The following ZFAND3 variants were observed in gnomAD, a reference collection of about 807,000 sequenced individuals.
ZFAND3 encodes zinc finger AN1-type containing 3.
Under a neutral mutation model 29.6 loss-of-function variants are expected in ZFAND3, and 10 were observed. The observed-to-expected ratio is 0.34, with a 90% CI of 0.21 to 0.57. The LOEUF is 0.57. ZFAND3 is among the 20% of genes least tolerant of loss of function. ZFAND3 has a pLI of 0.86. For synonymous variants in ZFAND3, 128 were observed against 112.6 expected (o/e 1.14, Z -0.87); for missense variants, 230 against 304.5 (o/e 0.76, Z 1.82).
At position 38,028,883 on chromosome 6, in the gene ZFAND3, A is replaced by G. The variant is rs148970499; in HGVS notation, c.113-32710A>G. Among the ~76,000 whole-genome samples the G allele has an allele frequency of 3.9e-5, 6 of 152,306 alleles. No individual in the cohort carries two copies. The East Asian group carries it at 9.6e-4, about 24-fold the overall frequency. On this transcript the variant is annotated intron_variant, in intron 2 of 5. Transcript: ENST00000287218. Reference sequence around the variant, plus strand: ...TTTGTGAAGCAAGGCATGGTGCAGAATAGTCCATTCCAAATCAAGCTCTAT... The same window carrying G: ...TTTGTGAAGCAAGGCATGGTGCAGAGTAGTCCATTCCAAATCAAGCTCTAT...
intron 2 of ZFAND3, among the ~76,000 whole-genome samples, chr6:38,049,901 C>T (rs1423065858): frequency 7.7e-6 from 1 of 129,176 alleles, no homozygotes; most frequent in Non-Finnish European, 1.7e-5. Flanking sequence ...CCCTCCCCCT[C>T]ACACCCACCC....
chr6:37,964,099 TCTC>T (rs1175423188), intron 2 of ZFAND3, among the ~76,000 whole-genome samples: 1 of 152,180 alleles, frequency 6.6e-6, no homozygotes. Context: ...TGTCCTCCCT[TCTC>T]CTAACTCCTG....
chr6:37,891,250 C>T (rs1765092893), intron 1 of ZFAND3, among the ~76,000 whole-genome samples: 1 of 152,112 alleles, frequency 6.6e-6, no homozygotes. Flanking sequence ...ATCAGTGCTG[C>T]TCTCCCTTTG....
chr6:38,073,921 T>A (rs1764504375), intron 3 of ZFAND3, among the ~76,000 whole-genome samples: 1 of 152,238 alleles, frequency 6.6e-6, no homozygotes, highest in Admixed American at 6.5e-5. Context: ...TATTCCACTA[T>A]CCCTTACCTT....
At chr6:38,035,266 TTA>T (rs995421517) in intron 2 of ZFAND3, among the ~76,000 whole-genome samples, 3 of 152,302 alleles carry the variant, frequency 2.0e-5, no homozygotes, top group South Asian at 2.1e-4. Context: ...GAATCTTCTA[TTA>T]TGTTTCTTTA....
intron 2 of ZFAND3, among the ~76,000 whole-genome samples, chr6:38,043,886 T>C (rs112839131): frequency 0.028 from 4,243 of 152,090 alleles, 96 homozygotes; most frequent in Non-Finnish European, 0.049. Context: ...CAGGTAGTCC[T>C]CCCACCTTGA....
intron 1 of ZFAND3, among the ~76,000 whole-genome samples, chr6:37,873,323 C>T (rs1430490137): frequency 1.3e-5 from 2 of 152,208 alleles, no homozygotes; most frequent in Non-Finnish European, 2.9e-5. Context: ...CACAATTAAT[C>T]ATTCTTTCTG....
At chr6:37,966,076 T>G (rs988460954) in intron 2 of ZFAND3, among the ~76,000 whole-genome samples, 1 of 152,118 alleles carries the variant, frequency 6.6e-6, no homozygotes, top group South Asian at 2.1e-4. Context: ...AAGAATAACT[T>G]TAATGATCCT....
chr6:38,113,982 G>C (rs1431016233), intron 4 of ZFAND3, among the ~76,000 whole-genome samples: 1 of 152,156 alleles, frequency 6.6e-6, no homozygotes, highest in Non-Finnish European at 1.5e-5. Context: ...AGGGGCTCAG[G>C]GTCTGAGCAG....
At chr6:37,935,058 C>G (rs1761673989) in intron 2 of ZFAND3, among the ~76,000 whole-genome samples, 1 of 152,008 alleles carries the variant, frequency 6.6e-6, no homozygotes, top group Non-Finnish European at 1.5e-5. Context: ...GGTAGAGAAG[C>G]CTGAAATTCC....
At chr6:38,014,321 A>ATTT (rs1763215590) in intron 2 of ZFAND3, among the ~76,000 whole-genome samples, 1 of 150,274 alleles carries the variant, frequency 6.7e-6, no homozygotes, top group South Asian at 2.1e-4. Context: ...CTTTATTATT[A>ATTT]TTATTATTAT....
intron 2 of ZFAND3, among the ~76,000 whole-genome samples, chr6:38,032,240 G>A (rs1763576106): frequency 6.6e-6 from 1 of 152,226 alleles, no homozygotes; most frequent in Admixed American, 6.5e-5. Context: ...ATAGTTACAA[G>A]ATTTATATTT....
chr6:37,931,553 A>C (rs1221080799), intron 2 of ZFAND3, among the ~76,000 whole-genome samples: 5 of 151,742 alleles, frequency 3.3e-5, no homozygotes, highest in East Asian at 1.9e-4. Flanking sequence ...AAAAAAAAAA[A>C]AACAAAAAAA....
intron 2 of ZFAND3, among the ~76,000 whole-genome samples, chr6:38,004,076 C>G (rs1486298265): frequency 6.6e-6 from 1 of 152,078 alleles, no homozygotes; most frequent in African/African-American, 2.4e-5. Flanking sequence ...GGTCAGCTTT[C>G]TAGGTTTTAC....
chr6:37,865,082 G>A (rs1764564765), intron 1 of ZFAND3, among the ~76,000 whole-genome samples: 1 of 152,164 alleles, frequency 6.6e-6, no homozygotes, highest in South Asian at 2.1e-4. Context: ...GGAGGCTGAG[G>A]CACGAGAATT....
intron 2 of ZFAND3, among the ~76,000 whole-genome samples, chr6:37,950,275 G>C (rs1452748834): frequency 1.3e-5 from 2 of 151,482 alleles, no homozygotes; most frequent in Non-Finnish European, 2.9e-5. Flanking sequence ...GTTGATTTTC[G>C]TATGTGGTAA....
At chr6:37,896,251 C>CA (rs1409184701) in intron 1 of ZFAND3, among the ~76,000 whole-genome samples, 1 of 151,698 alleles carries the variant, frequency 6.6e-6, no homozygotes, top group Non-Finnish European at 1.5e-5. Context: ...TTTTGTTTTA[C>CA]AAAAAACCGT....
rs761216120 is a variant in ZFAND3 at position 37,974,104 on chromosome 6, T to C, written c.112+44105T>C. Among the ~76,000 whole-genome samples, 24 of 152,318 alleles carry C rather than the reference T, an allele frequency of 1.6e-4. No homozygotes were observed. In the East Asian group the frequency reaches 2.9e-3, roughly 18 times the overall value. On this transcript the variant is annotated intron_variant, in intron 2 of 5. Coordinates refer to ENST00000287218, the MANE Select transcript of ZFAND3 (RefSeq NM_021943.3). ...CCATACCTGCCACCTTTACCTTCAT[T>C]ATTTTCTCTGAAAAAGAAATCTGGG...
chr6:37,846,742 C>T (rs1321558730), intron 1 of ZFAND3, among the ~76,000 whole-genome samples: 5 of 147,144 alleles, frequency 3.4e-5, no homozygotes, highest in African/African-American at 7.5e-5. Context: ...AATGGAGTCT[C>T]GCTCTGTCGC....
Sources: allele counts gnomAD v4.1 joint callset (sites outside exome capture counted in the v4.1 genomes callset), GRCh38; gene constraint gnomAD v4.1.1; transcripts MANE v1.5; gene names NCBI Gene and HGNC (gene_info 2026-07-23, HGNC 2026-07-21).